The following PFKL variants were observed in gnomAD, a reference collection of about 807,000 sequenced individuals.
PFKL encodes phosphofructokinase, liver type, also known as ATP-dependent 6-phosphofructokinase, liver type.
PFKL carries 74 observed loss-of-function variants against 92.1 expected under a neutral mutation model. That is an observed-to-expected ratio of 0.80 (90% CI 0.67 to 0.97). PFKL has a LOEUF of 0.97. Among genes scored for constraint, PFKL ranks in the 50% least tolerant of loss-of-function variants. PFKL has a pLI of 0.00. For synonymous variants in PFKL, 494 were observed against 456.4 expected, an observed-to-expected ratio of 1.08 and a Z score of -1.05; for missense variants, 1,028 against 1,116.6, an observed-to-expected ratio of 0.92 and a Z score of 1.13.
chr21:44,313,249 G>T (rs890082729), intron 5 of PFKL, 106 bp downstream of exon 5: 4 of 1,294,742 alleles, frequency 3.1e-6, no homozygotes, highest in African/African-American at 1.5e-5. Context: ...GACTCTGGTA[G>T]CCCCAGCATC....
intron 1 of PFKL, among the ~76,000 whole-genome samples, chr21:44,304,751 G>C (rs1325188531): frequency 1.1e-5 from 1 of 88,430 alleles, no homozygotes; most frequent in Non-Finnish European, 2.0e-5. Context: ...CGGCTGTCTG[G>C]GGGGCTCGGC....
intron 1 of PFKL, 41 bp downstream of exon 1, chr21:44,300,231 AG>A: frequency 5.1e-6 from 5 of 971,068 alleles, no homozygotes; most frequent in Non-Finnish European, 6.2e-6. Flanking sequence ...CAGGGGGTGG[AG>A]GGCGCCTCCG....
chr21:44,308,909 C>T (rs1030546981), intron 2 of PFKL, among the ~76,000 whole-genome samples: 6 of 152,130 alleles, frequency 3.9e-5, no homozygotes, highest in African/African-American at 1.4e-4. Flanking sequence ...CATCTGTTAG[C>T]CCTGGTGACC....
intron 5 of PFKL, among the ~76,000 whole-genome samples, 188 bp from the exon 6 acceptor site, chr21:44,313,450 G>T (rs551347214): frequency 6.6e-6 from 1 of 152,356 alleles, no homozygotes; most frequent in Non-Finnish European, 1.5e-5. Context: ...CCTGGGAGGA[G>T]ATCAGTCGAA....
At position 44,326,782 on chromosome 21, in the gene PFKL, C is replaced by T. The variant is rs375126288; in HGVS notation, c.2263C>T (p.Arg755Cys). 5.6e-6 allele frequency: 9 copies of T among 1,610,348 alleles called. No homozygotes were observed. The highest frequency in any genetic ancestry group is 4.5e-5 in the East Asian group (2 of 44,778). Residue 755 changes from arginine (R) to cysteine (C), a missense_variant, in exon 22 of 22, where the codon CGC becomes TGC. Arg to Cys is a radical substitution (Grantham distance 180, BLOSUM62 -3). Transcript: ENST00000349048. ...CATGCTGAAGATGCTGGCACAATAC[C>T]GCATCAGTATGGCCGCCTACGTGTC... is the stretch of plus-strand genomic sequence containing the variant. The part of the protein sequence containing the change: ...RLMLKMLAQY[R>C]ISMAAYVSGE...
At chr21:44,312,870 G>C in intron 4 of PFKL, 108 bp from the exon 5 acceptor site, 1 of 1,242,096 alleles carries the variant, frequency 8.1e-7, no homozygotes, top group Non-Finnish European at 1.1e-6. Flanking sequence ...GGCCCCTGCC[G>C]GGCTGCACGC....
chr21:44,313,956 C>T lies in PFKL; in HGVS notation c.682C>T (p.Leu228=). Reference sequence around the variant, plus strand: ...TGCACTGGCCTCAGGGGCCGACTGGCTGTTCATCCCCGAGGCTCCACCCGA... The same window carrying T: ...TGCACTGGCCTCAGGGGCCGACTGGTTGTTCATCCCCGAGGCTCCACCCGA... ...VSALASGADW[L]FIPEAPPEDG... The change falls in exon 7 of 22, where the codon CTG becomes TTG. Residue 228 remains leucine, a synonymous_variant. Coordinates refer to ENST00000349048, the MANE Select transcript of PFKL (RefSeq NM_002626.6). 1 of 1,607,802 alleles carries T rather than the reference C, an allele frequency of 6.2e-7. No homozygotes were observed. Among genetic ancestry groups the T allele is most frequent in the African/African-American group, 1.3e-5 (1 of 75,018 alleles).
intron 7 of PFKL, chr21:44,315,494 C>T (rs2047178340): frequency 6.6e-6 from 1 of 152,536 alleles, no homozygotes. Context: ...CACCCGGGCC[C>T]TGTCTGAGCT....
At chr21:44,323,536 A>T (rs1047327945) in intron 15 of PFKL, among the ~76,000 whole-genome samples, 1 of 152,044 alleles carries the variant, frequency 6.6e-6, no homozygotes, top group Non-Finnish European at 1.5e-5. Flanking sequence ...GGGTTGGAGG[A>T]GACTCCTGAC....
intron 1 of PFKL, chr21:44,305,977 C>A (rs1317650799): frequency 1.6e-6 from 2 of 1,269,496 alleles, no homozygotes; most frequent in East Asian, 5.8e-5. Context: ...GTGCTGTTCC[C>A]TGGGTGGCTG....
At chr21:44,321,971 T>A in intron 13 of PFKL, 96 bp downstream of exon 13, 1 of 1,480,364 alleles carries the variant, frequency 6.8e-7, no homozygotes, top group South Asian at 1.3e-5. Flanking sequence ...AGGTGGAGGC[T>A]GAGACCTGGG....
chr21:44,308,919 C>T (rs2041033912), intron 2 of PFKL, among the ~76,000 whole-genome samples: 1 of 152,130 alleles, frequency 6.6e-6, no homozygotes, highest in South Asian at 2.1e-4. Flanking sequence ...CCCTGGTGAC[C>T]ACCTGCCCAA....
rs1297432799 is a variant in PFKL at position 44,316,662 on chromosome 21, G to T, written c.936+138G>T. ...TGGGTGAGTGTCCGTGTCTGTGTGT[G>T]GGGGTGTATGTGTGGGGGACGCGTG... is the stretch of plus-strand genomic sequence containing the variant. On this transcript the variant is annotated intron_variant, in intron 9 of 21. Coordinates refer to ENST00000349048, the MANE Select transcript of PFKL (RefSeq NM_002626.6). 2.1e-5 allele frequency: 14 copies of T among 661,918 alleles called. No individual in the cohort carries two copies. In the East Asian group the frequency reaches 3.8e-4, roughly 18 times the overall value. The allele number at this position is 661,918 out of a possible 1,614,324, so 41.0% of individuals were successfully genotyped here.
intron 10 of PFKL, 96 bp downstream of exon 10, chr21:44,318,691 G>A: frequency 8.7e-7 from 1 of 1,145,814 alleles, no homozygotes; most frequent in Non-Finnish European, 1.2e-6. Flanking sequence ...AGCACTGTGA[G>A]CACCGGAGGG....
rs1217097761 is a variant in PFKL, at chr21:44,313,968, G to T, written c.694G>T (p.Glu232Ter). Residue 232 changes from glutamate to a stop codon, truncating the protein, a stop_gained, in exon 7 of 22, where the codon GAG (glutamate) becomes TAG (stop). Coordinates refer to ENST00000349048, the MANE Select transcript of PFKL (RefSeq NM_002626.6). LOFTEE classifies it high-confidence loss of function. Reference protein sequence around the residue: ...ASGADWLFIPEAPPEDGWENF... With the variant: ...ASGADWLFIP ...AGGGGCCGACTGGCTGTTCATCCCC[G>T]AGGCTCCACCCGAGGACGGCTGGGA... 2 of 1,608,480 alleles carry T rather than the reference G, an allele frequency of 1.2e-6. No homozygotes were observed. Among genetic ancestry groups the T allele is most frequent in the Non-Finnish European group, 1.7e-6 (2 of 1,178,682 alleles).
In PFKL at chr21:44,306,380, G is replaced by A. The variant is rs141490105; in HGVS notation, c.86-301G>A. Among the ~76,000 whole-genome samples the A allele has an allele frequency of 4.6e-3, 698 of 152,282 alleles. 6 individuals are homozygous for A. Among genetic ancestry groups the A allele is most frequent in the African/African-American group, 0.016 (673 of 41,546 alleles). Reference sequence around the variant, plus strand: ...AGCCTAGAGCCTGCTGGGTTCACCCGAGCCTCCACCCGGGGGCCCAGGGCT... The same window carrying A: ...AGCCTAGAGCCTGCTGGGTTCACCCAAGCCTCCACCCGGGGGCCCAGGGCT... On this transcript the variant is annotated intron_variant, in intron 1 of 21. Coordinates refer to ENST00000349048, the MANE Select transcript of PFKL (RefSeq NM_002626.6).
chr21:44,325,006 G>A (rs2047461943), intron 18 of PFKL, 89 bp downstream of exon 18: 3 of 1,324,930 alleles, frequency 2.3e-6, no homozygotes, highest in Admixed American at 2.0e-5. Context: ...GGCAGGAGAA[G>A]GCAGGAGGGG....
chr21:44,300,677 G>C (rs1014137976), intron 1 of PFKL, among the ~76,000 whole-genome samples: 4 of 152,254 alleles, frequency 2.6e-5, no homozygotes, highest in African/African-American at 4.8e-5. Context: ...GGGCCCTCGC[G>C]GCCGCCTTCC....
chr21:44,305,502 G>T (rs375088662), intron 1 of PFKL: 4 of 1,172,934 alleles, frequency 3.4e-6, no homozygotes, highest in East Asian at 5.7e-5. Context: ...CAGAGGACCC[G>T]CATGGCTTAG....
Sources: gnomAD v4.1 joint callset for allele counts (sites outside exome capture counted in the v4.1 genomes callset) on GRCh38, gnomAD v4.1.1 for gene constraint, MANE v1.5 for transcripts, NCBI Gene and HGNC (gene_info 2026-07-23, HGNC 2026-07-21) for gene names.